Variants in SHANK1 observed in about 807,000 individuals in gnomAD.
SHANK1 encodes SH3 and multiple ankyrin repeat domains 1.
Under a neutral mutation model 165.6 loss-of-function variants are expected in SHANK1, and 35 were observed. The observed-to-expected ratio is 0.21, with a 90% CI of 0.16 to 0.28. The LOEUF (loss-of-function observed/expected upper bound fraction) is 0.28, where lower values mean the gene tolerates loss of function less well. Among genes scored for constraint, SHANK1 ranks in the 10% least tolerant of loss-of-function variants. The pLI is 1.00. For missense variants in SHANK1, 2,681 were observed against 3,036.4 expected (o/e 0.88, Z 2.75); for synonymous variants, 1,428 against 1,384.8 (o/e 1.03, Z -0.69).
In SHANK1 at chr19:50,686,295, C is replaced by G. The variant is rs1228585985; in HGVS notation, c.2519G>C (p.Gly840Ala). 4.4e-6 allele frequency: 7 copies of G among 1,607,544 alleles called. No individual in the cohort carries two copies. The highest frequency in any genetic ancestry group is 5.1e-6 in the Non-Finnish European group (6 of 1,176,644). ...GCCCAGGGACGCGAGGCCACCGGGA[C>G]CAGGGCTTTCGCTTGCACTGATGGT... is the stretch of plus-strand genomic sequence containing the variant. ...QQTISASESP[G>A]PGGLASLGKH... The change falls in exon 21 of 24, where the codon GGT (glycine) becomes GCT (alanine). Residue 840 changes from glycine (G) to alanine (A), a missense_variant. By Grantham distance (60) the Gly-to-Ala change is moderately conservative. Coordinates refer to ENST00000293441, the MANE Select transcript of SHANK1 (RefSeq NM_016148.5). This position sits in a 1 kb window ranked among gnomAD's most constrained non-coding sequence, Gnocchi z 5.7.
rs1469029904 is a variant in SHANK1, at chr19:50,668,058, A to C, written c.3902T>G (p.Leu1301Arg). 8.8e-6 allele frequency: 13 copies of C among 1,479,740 alleles called. No homozygotes were observed. The highest frequency in any genetic ancestry group is 9.8e-6 in the Non-Finnish European group (11 of 1,120,596). The allele number at this position is 1,479,740 out of a possible 1,614,324, so 91.7% of individuals were successfully genotyped here. ...GMFSAEPYLR[L>R]ESAGSGAGYG... ...GCCCGCGCCGCTGCCCGCAGACTCC[A>C]GTCGGAGGTAGGGCTCGGCGGAGAA... The change falls in exon 23 of 24, where the codon CTG (leucine) becomes CGG (arginine). Residue 1301 changes from leucine (L) to arginine (R), a missense_variant. By Grantham distance (102) the Leu-to-Arg change is moderately radical (BLOSUM62 -2). Around this residue, in one of 10 missense-constraint regions of SHANK1, gnomAD observed 1,713 missense variants for 1,630.2 expected, o/e 1.05. Coordinates refer to ENST00000293441, the MANE Select transcript of SHANK1 (RefSeq NM_016148.5).
chr19:50,662,717 G>C lies in SHANK1; in HGVS notation c.5769-35C>G. 6.4e-7 allele frequency: 1 copy of C among 1,552,092 alleles called. No individual in the cohort carries two copies. Among genetic ancestry groups the C allele is most frequent in the Non-Finnish European group, 8.7e-7 (1 of 1,147,314 alleles). ...GACAAGGGGGCAGTGGGGGAGGACA[G>C]GGATTTAGGGGGCAAGGGCAGGGGT... is the stretch of plus-strand genomic sequence containing the variant. On this transcript the variant is annotated intron_variant, in intron 23 of 23. Coordinates refer to ENST00000293441, the MANE Select transcript of SHANK1 (RefSeq NM_016148.5). This position sits in a 1 kb window ranked among gnomAD's most constrained non-coding sequence, Gnocchi z 7.7.
chr19:50,710,227 G>T (rs2123194119), intron 8 of SHANK1, among the ~76,000 whole-genome samples: 1 of 152,332 alleles, frequency 6.6e-6, no homozygotes, highest in East Asian at 1.9e-4. Context: ...CACCATGTTG[G>T]TTCGGTTTGA....
rs894778030 is a variant in SHANK1 at position 50,713,042 on chromosome 19, C to A, written c.792+756G>T. Among the ~76,000 whole-genome samples, 2 of 151,962 alleles carry A rather than the reference C, an allele frequency of 1.3e-5. No individual in the cohort carries two copies. Among genetic ancestry groups the A allele is most frequent in the Admixed American group, 6.6e-5 (1 of 15,258 alleles). Reference sequence around the variant, plus strand: ...TTAACTCCAGGGGTATACTGCAGATCTTTGTGGCTGGCATCTGACTGCATT... The same window carrying A: ...TTAACTCCAGGGGTATACTGCAGATATTTGTGGCTGGCATCTGACTGCATT... On this transcript the variant is annotated intron_variant, in intron 6 of 23. Transcript: ENST00000293441. The surrounding 1 kb of genome is among the most constrained non-coding windows in gnomAD (Gnocchi z 6.2).
intron 12 of SHANK1, 66 bp from the exon 13 acceptor site, chr19:50,698,022 A>G: frequency 8.8e-7 from 1 of 1,138,224 alleles, no homozygotes; most frequent in Non-Finnish European, 1.3e-6. Context: ...CTGCCAACAC[A>G]CTCAACTTAG....
Position 50,716,833 on chromosome 19 carries a change from G to A in SHANK1, c.87C>T (p.Ser29=). The A allele has an allele frequency of 6.4e-7, 1 of 1,562,454 alleles. No individual in the cohort carries two copies. The highest frequency in any genetic ancestry group is 8.6e-7 in the Non-Finnish European group (1 of 1,158,778). ...GGGGGCCTCGACCTGGCCCGTCTGG[G>A]GAGCTGTCGGACTCTGAGCCCCCCT... ...CPEGGSESDS[S]PDGPGRGPRG... is the part of the protein sequence containing the mutation. Residue 29 remains serine (S), a synonymous_variant, in exon 2 of 24, where the codon TCC becomes TCT. Transcript: ENST00000293441. The surrounding 1 kb of genome is among the most constrained non-coding windows in gnomAD (Gnocchi z 8.4).
chr19:50,703,583 G>T lies in SHANK1; in HGVS notation c.1470C>A (p.Ser490Arg). 1 of 1,558,534 alleles carries T rather than the reference G, an allele frequency of 6.4e-7. No homozygotes were observed. The change falls in exon 11 of 24, where the codon AGC (serine) becomes AGA (arginine). Residue 490 changes from serine (S) to arginine (R), a missense_variant. By Grantham distance (110) the Ser-to-Arg change is moderately radical. Transcript: ENST00000293441. ...KLSSGTLRSA[S>R]SPRGARARSP... is the part of the protein sequence containing the mutation. ...AGCGGGCCCTGGCACCCCGGGGGCT[G>T]CTGGCACTTCGGAGGGTCCCGCTGC...
At chr19:50,699,421 T>C (rs1312660664) in intron 12 of SHANK1, among the ~76,000 whole-genome samples, 1 of 151,694 alleles carries the variant, frequency 6.6e-6, no homozygotes, top group Non-Finnish European at 1.5e-5. Flanking sequence ...AATAAGAGGG[T>C]GTTTGGAGAG....
In SHANK1 at chr19:50,662,180, C is replaced by A. The variant is rs148157051; in HGVS notation, c.6271G>T (p.Gly2091Cys). 4.3e-4 allele frequency: 685 copies of A among 1,610,602 alleles called. No individual in the cohort carries two copies. The African/African-American group carries it at 8.3e-3, about 19-fold the overall frequency. ...LLSLPPDKPFGAKPLGFWTKF... is the reference protein window; with the variant it reads ...LLSLPPDKPFCAKPLGFWTKF... The stretch of plus-strand genomic sequence containing the variant: ...GTCCAGAACCCCAGAGGTTTAGCGC[C>A]AAACGGCTTGTCCGGGGGCAGCGAG... The change falls in exon 24 of 24, where the codon GGC (glycine) becomes TGC (cysteine). Residue 2091 changes from glycine (G) to cysteine (C), a missense_variant. Gly to Cys is a radical substitution (Grantham distance 159). Coordinates refer to ENST00000293441, the MANE Select transcript of SHANK1 (RefSeq NM_016148.5). This position sits in a 1 kb window ranked among gnomAD's most constrained non-coding sequence, Gnocchi z 7.7.
intron 8 of SHANK1, among the ~76,000 whole-genome samples, chr19:50,705,523 A>G (rs1465060150): frequency 6.6e-6 from 1 of 152,028 alleles, no homozygotes; most frequent in Non-Finnish European, 1.5e-5. Context: ...GTTCCACTGG[A>G]TGTTGGGGCC....
chr19:50,710,721 T>G (rs1467120092), intron 8 of SHANK1, among the ~76,000 whole-genome samples: 1 of 152,186 alleles, frequency 6.6e-6, no homozygotes, highest in African/African-American at 2.4e-5. Flanking sequence ...GGTCCTGAAT[T>G]GCTAAAACTC....
chr19:50,687,352 TGAGA>T (rs986040008), intron 19 of SHANK1, among the ~76,000 whole-genome samples: 2 of 151,936 alleles, frequency 1.3e-5, no homozygotes, highest in Non-Finnish European at 2.9e-5. Flanking sequence ...ATACAGACCC[TGAGA>T]GAGACCCCAA....
intron 8 of SHANK1, among the ~76,000 whole-genome samples, chr19:50,707,928 TTTCTTTTC>T (rs2088963866): frequency 2.1e-5 from 2 of 94,382 alleles, no homozygotes; most frequent in South Asian, 3.1e-4. Flanking sequence ...TTTCTTTTCT[TTTCTTTTC>T]TTTTCTTTTC....
At position 50,687,928 on chromosome 19, in the gene SHANK1, T is replaced by C; in HGVS notation, c.2303A>G (p.Lys768Arg). ...RHPDMDEAVH[K>R]KAPQQAKRLP... ...GAGAGTGGCCGCAGGAGCACCTTTC[T>C]TGTGCACTGCCTCATCCATGTCCGG... Residue 768 changes from lysine to arginine, a missense_variant, in exon 18 of 24, where the codon AAG becomes AGG. Physicochemically the swap from Lys to Arg is conservative, Grantham distance 26 (BLOSUM62 2). Coordinates refer to ENST00000293441, the MANE Select transcript of SHANK1 (RefSeq NM_016148.5). 3.7e-6 allele frequency: 6 copies of C among 1,614,036 alleles called. No individual in the cohort carries two copies. The highest frequency in any genetic ancestry group is 5.1e-6 in the Non-Finnish European group (6 of 1,179,944).
chr19:50,712,121 A>G lies in SHANK1; in HGVS notation c.793-7T>C, dbSNP rs982679573. On this transcript the variant is annotated splice_polypyrimidine_tract_variant and splice_region_variant and intron_variant, in intron 6 of 23. Coordinates refer to ENST00000293441, the MANE Select transcript of SHANK1 (RefSeq NM_016148.5). ...CCCCAAGGTCCAGGAGCGCCTAGGA[A>G]CGGAGAGAGAACCCAGTAGAAAAAC... 1.3e-6 allele frequency: 2 copies of G among 1,572,608 alleles called. No individual in the cohort carries two copies. Among genetic ancestry groups the G allele is most frequent in the Non-Finnish European group, 1.7e-6 (2 of 1,162,024 alleles).
chr19:50,662,196 G>C lies in SHANK1; in HGVS notation c.6255C>G (p.Pro2085=). The C allele has an allele frequency of 6.2e-7, 1 of 1,609,828 alleles. No homozygotes were observed. The highest frequency in any genetic ancestry group is 8.5e-7 in the Non-Finnish European group (1 of 1,176,770). The part of the protein sequence containing the change: ...SLSPTRLLSL[P]PDKPFGAKPL... ...GTTTAGCGCCAAACGGCTTGTCCGG[G>C]GGCAGCGAGAGCAGGCGGGTCGGTG... The change falls in exon 24 of 24, where the codon CCC becomes CCG. Residue 2085 remains proline (P), a synonymous_variant. Transcript: ENST00000293441. The surrounding 1 kb of genome is among the most constrained non-coding windows in gnomAD (Gnocchi z 7.7).
intron 15 of SHANK1, among the ~76,000 whole-genome samples, chr19:50,695,347 G>C (rs1048663463): frequency 6.7e-6 from 1 of 149,238 alleles, no homozygotes; most frequent in Non-Finnish European, 1.5e-5. Context: ...CTCCGGAGGC[G>C]GGCGGCGGGC....
At position 50,667,547 on chromosome 19, in the gene SHANK1, G is replaced by A. The variant is rs754236556; in HGVS notation, c.4413C>T (p.Pro1471=). ...CGGACCTCCAGGGCTTGCTTACTCC[G>A]GGGTGCGGGGCCGGGGGCTCCGTCC... ...QLGTEPPAPH[P]GVSKPWRSAA... The change falls in exon 23 of 24, where the codon CCC becomes CCT. Residue 1471 remains proline, a synonymous_variant. Transcript: ENST00000293441. The surrounding 1 kb of genome is among the most constrained non-coding windows in gnomAD (Gnocchi z 5.7). 7 of 1,477,882 alleles carry A rather than the reference G, an allele frequency of 4.7e-6. No homozygotes were observed. The East Asian group carries it at 1.2e-4, about 26-fold the overall frequency. The allele number at this position is 1,477,882 out of a possible 1,614,324, so 91.5% of individuals were successfully genotyped here. A position where few individuals can be genotyped will look rare whatever the true frequency, so the allele number is the denominator to read the frequency against.
In SHANK1 at chr19:50,713,921, G is replaced by A. The variant is rs3745531; in HGVS notation, c.669C>T (p.Thr223=). Residue 223 remains threonine, a synonymous_variant, in exon 6 of 24, where the codon ACC becomes ACT. Coordinates refer to ENST00000293441, the MANE Select transcript of SHANK1 (RefSeq NM_016148.5). This position sits in a 1 kb window ranked among gnomAD's most constrained non-coding sequence, Gnocchi z 6.2. ...GETPLTLAAQ[T]EGSVEVIRTL... ...TTCGAATCACCTCTACAGAGCCTTC[G>A]GTCTGGGCCGCCAGTGTCAAGGGGG... The A allele has an allele frequency of 1.1e-3, 1,741 of 1,613,758 alleles. 37 individuals carry two copies. In the East Asian group the frequency reaches 0.036, roughly 33 times the overall value.
Sources: allele counts gnomAD v4.1 joint callset (sites outside exome capture counted in the v4.1 genomes callset), GRCh38; gene constraint gnomAD v4.1.1; regional missense constraint gnomAD v4.1.1; non-coding constraint Gnocchi (gnomAD v3.1); transcripts MANE v1.5; gene names NCBI Gene and HGNC (gene_info 2026-07-23, HGNC 2026-07-21).